CD36: variants seen among roughly 807,000 people sequenced by gnomAD.
CD36 encodes the protein platelet glycoprotein 4.
A neutral mutation model predicts 55.2 loss-of-function variants in CD36; 119 were observed. The ratio of observed to expected loss-of-function variants is 2.15; its 90% CI spans 1.86 to 2.51. The LOEUF is 2.51. CD36 is among the 30% of genes most tolerant of loss of function. The pLI, the probability that CD36 is intolerant of heterozygous loss-of-function variation, is 0.00. For synonymous variants in CD36, 186 were observed against 193.6 expected (o/e 0.96, Z 0.33); for missense variants, 819 against 555.5 (o/e 1.47, Z -4.77).
upstream of CD36, among the ~76,000 whole-genome samples, chr7:80,637,474 A>T (rs561302592): frequency 1.8e-4 from 28 of 152,130 alleles, no homozygotes; most frequent in South Asian, 5.8e-3. Context: ...AAAGTAATAG[A>T]CTTACAATAT....
In CD36 at chr7:80,673,370, G is replaced by A. The variant is rs201929460; in HGVS notation, c.1215G>A (p.Leu405=). The part of the protein sequence containing the change: ...PSEKIQVLKN[L]KRNYIVPILW... ...TATATTACAGAGTATTAAAGAATCT[G>A]AAGAGGAACTATATTGTGCCTATTC... The change falls in exon 13 of 15, where the codon CTG becomes CTA. Residue 405 remains leucine, a synonymous_variant. Coordinates refer to ENST00000447544, the MANE Select transcript of CD36 (RefSeq NM_001001548.3). 9.6e-5 allele frequency: 149 copies of A among 1,545,026 alleles called. 1 individual carries two copies. The Middle Eastern group carries it at 2.6e-3, about 27-fold the overall frequency.
At chr7:80,621,391 G>T (rs1277053169) in intron 1 of CD36, among the ~76,000 whole-genome samples, 1 of 152,088 alleles carries the variant, frequency 6.6e-6, no homozygotes, top group Non-Finnish European at 1.5e-5. Context: ...ACATTTTCTA[G>T]TGTTATCTCA....
At chr7:80,616,832 T>C (rs1793191244) in intron 1 of CD36, among the ~76,000 whole-genome samples, 1 of 152,152 alleles carries the variant, frequency 6.6e-6, no homozygotes, top group Non-Finnish European at 1.5e-5. Context: ...GTAAGGATCA[T>C]GTCTTTATAT....
At chr7:80,667,896 A>G (rs913347127) in intron 8 of CD36, among the ~76,000 whole-genome samples, 1 of 151,796 alleles carries the variant, frequency 6.6e-6, no homozygotes, top group Non-Finnish European at 1.5e-5. Context: ...GACTACAGGC[A>G]TGTGCCACCA....
At chr7:80,632,132 C>T (rs1465512724) in intron 1 of CD36, among the ~76,000 whole-genome samples, 3 of 151,746 alleles carry the variant, frequency 2.0e-5, no homozygotes, top group Admixed American at 6.6e-5. Flanking sequence ...TATGATTTCA[C>T]TATAGGATTT....
At chr7:80,675,057 C>T (rs1346542011) in intron 14 of CD36, among the ~76,000 whole-genome samples, 7 of 151,972 alleles carry the variant, frequency 4.6e-5, no homozygotes, top group African/African-American at 1.4e-4. Flanking sequence ...AATTTGGGGA[C>T]CAATAATTTC....
intron 1 of CD36, among the ~76,000 whole-genome samples, chr7:80,640,280 G>A (rs2116289417): frequency 6.6e-6 from 1 of 151,742 alleles, no homozygotes; most frequent in East Asian, 1.9e-4. Context: ...TAACTATTTT[G>A]CAAATACTCA....
intron 1 of CD36, among the ~76,000 whole-genome samples, chr7:80,641,505 C>T (rs147340335): frequency 3.8e-4 from 58 of 151,922 alleles, no homozygotes; most frequent in African/African-American, 1.4e-3. Context: ...GAATGGAAAA[C>T]AAGAGTGTGG....
chr7:80,678,842 C>CA lies in CD36; in HGVS notation c.*2471dup, dbSNP rs66867332. On this transcript the variant is annotated 3_prime_UTR_variant, in exon 15 of 15. Coordinates refer to ENST00000447544, the MANE Select transcript of CD36 (RefSeq NM_001001548.3). The stretch of plus-strand genomic sequence containing the variant: ...CTGGTGACAGAGCGAGATTCCATCT[C>CA]AAAAAAAAAAAACAGTATGCACGTA... The CA allele has an allele frequency of 0.4, 55,861 of 141,260 alleles. 11,050 individuals carry two copies. The highest frequency in any genetic ancestry group is 0.54 in the East Asian group (2,631 of 4,838). 8.8% of individuals were successfully genotyped at this position (141,260 alleles called of 1,614,324 possible). A position where few individuals can be genotyped will look rare whatever the true frequency, so the allele number is the denominator to read the frequency against.
chr7:80,632,729 T>C lies in CD36; in HGVS notation c.-183-13359T>C, dbSNP rs557312280. Among the ~76,000 whole-genome samples the C allele has an allele frequency of 2.0e-5, 3 of 152,008 alleles. No homozygotes were observed. In the South Asian group the frequency reaches 6.2e-4, roughly 31 times the overall value. On this transcript the variant is annotated intron_variant, in intron 1 of 13. Transcript: ENST00000309881. ...ATTTTAGCATTTTAAAACACATCAT[T>C]ATGGCCAAGCCTAGAGCCAATGCAA...
intron 1 of CD36, among the ~76,000 whole-genome samples, chr7:80,616,105 G>C (rs905211895): frequency 6.6e-6 from 1 of 151,880 alleles, no homozygotes; most frequent in Non-Finnish European, 1.5e-5. Context: ...TTGACTTTTT[G>C]TTAGGGTTAT....
chr7:80,635,122 A>G (rs537950506), upstream of CD36, among the ~76,000 whole-genome samples: 6 of 152,274 alleles, frequency 3.9e-5, no homozygotes, highest in African/African-American at 1.4e-4. Context: ...ACACACACTT[A>G]ACATTTGTTA....
chr7:80,604,390 T>TTTTTAGC lies in CD36; in HGVS notation c.-184+2011_-184+2012insTTTTAGC, dbSNP rs144014175. Among the ~76,000 whole-genome samples, 19 of 109,638 alleles carry TTTTTAGC rather than the reference T, an allele frequency of 1.7e-4. 1 individual carries two copies. In the East Asian group the frequency reaches 3.1e-3, roughly 18 times the overall value. The allele number at this position is 109,638 out of a possible 152,430, so 71.9% of individuals were successfully genotyped here. On this transcript the variant is annotated intron_variant, in intron 1 of 13. Transcript: ENST00000309881. ...TTTTTTTTTTTTTTTTTTTTTTTTT[T>TTTTTAGC]AGCAAAGTATGCCATTGGTTCCACA...
Position 80,655,936 on chromosome 7 carries a change from A to AG in CD36, c.121-604_121-603insG, listed in dbSNP as rs771883853. Among the ~76,000 whole-genome samples the AG allele has an allele frequency of 8.9e-3, 1,180 of 132,532 alleles. 14 individuals are homozygous for AG. The highest frequency in any genetic ancestry group is 0.03 in the African/African-American group (1,094 of 36,266). The allele number at this position is 132,532 out of a possible 152,430, so 86.9% of individuals were successfully genotyped here. ...ATCTTGTCTCAAAAAAAAAAAAAAG[A>AG]AAAGAAAAAGAAAAAGGTTAGGGAA... On this transcript the variant is annotated intron_variant, in intron 3 of 14. Coordinates refer to ENST00000447544, the MANE Select transcript of CD36 (RefSeq NM_001001548.3).
intron 3 of CD36, among the ~76,000 whole-genome samples, chr7:80,649,357 G>A (rs1053389141): frequency 6.6e-6 from 1 of 151,924 alleles, no homozygotes; most frequent in Non-Finnish European, 1.5e-5. Context: ...ACCAGAGATA[G>A]GAAAACAAAC....
rs376632451 is a variant in CD36 at position 80,674,123 on chromosome 7, A to G, written c.1395A>G (p.Ala465=). The G allele has an allele frequency of 2.5e-6, 4 of 1,611,882 alleles. No homozygotes were observed. Among genetic ancestry groups the G allele is most frequent in the Admixed American group, 1.7e-5 (1 of 59,844 alleles). Residue 465 remains alanine (A), a synonymous_variant, in exon 14 of 15, where the codon GCA becomes GCG. Transcript: ENST00000447544. ...MFVAFMISYC[A]CRSKTIK Reference sequence around the variant, plus strand: ...TTGCTTTTATGATTTCATATTGTGCATGCAGATCGAAAACAATAAAATAAG... The same window carrying G: ...TTGCTTTTATGATTTCATATTGTGCGTGCAGATCGAAAACAATAAAATAAG...
At chr7:80,637,466 AG>A (rs1391500048), upstream of CD36, among the ~76,000 whole-genome samples, 1 of 152,074 alleles carries the variant, frequency 6.6e-6, no homozygotes, top group Admixed American at 6.6e-5. Context: ...TTGAAAAAAA[AG>A]TAATAGACTT....
intron 1 of CD36, among the ~76,000 whole-genome samples, chr7:80,628,613 T>C (rs1793885255): frequency 1.3e-5 from 2 of 152,200 alleles, no homozygotes; most frequent in East Asian, 1.9e-4. Context: ...TTATTAAAAA[T>C]ACCTGTGATC....
At chr7:80,654,058 A>G (rs923796295) in intron 3 of CD36, among the ~76,000 whole-genome samples, 1 of 152,186 alleles carries the variant, frequency 6.6e-6, no homozygotes, top group Admixed American at 6.6e-5. Context: ...ATAATTCAAC[A>G]CATTCATTTC....
Sources: allele counts gnomAD v4.1 joint callset (sites outside exome capture counted in the v4.1 genomes callset), GRCh38; gene constraint gnomAD v4.1.1; transcripts MANE v1.5; gene names NCBI Gene and HGNC (gene_info 2026-07-23, HGNC 2026-07-21).